ADGRG6: variants seen among roughly 807,000 people sequenced by gnomAD.
ADGRG6 encodes the protein adhesion G protein-coupled receptor G6, also known as G-protein coupled receptor 126.
ADGRG6 carries 84 observed loss-of-function variants against 142.4 expected under a neutral mutation model. The ratio of observed to expected loss-of-function variants is 0.59; its 90% CI spans 0.49 to 0.71. The LOEUF is 0.71. Ranked by LOEUF, ADGRG6 falls within the 30% of genes least tolerant of loss-of-function variation. The probability of loss-of-function intolerance (pLI) is 0.00; values close to 1 mark genes in which losing one functional copy is unlikely to be tolerated. For missense variants in ADGRG6, 1,367 were observed against 1,466.6 expected, an observed-to-expected ratio of 0.93 and a Z score of 1.11; for synonymous variants, 521 against 520.5, an observed-to-expected ratio of 1.00 and a Z score of -0.01.
chr6:142,331,145 A>AC (rs1180892088), intron 2 of ADGRG6, among the ~76,000 whole-genome samples: 5 of 151,964 alleles, frequency 3.3e-5, no homozygotes, highest in Admixed American at 6.6e-5. Flanking sequence ...TAAAAAAAAA[A>AC]AAAACTATCA....
chr6:142,309,698 A>G, intron 2 of ADGRG6, 54 bp downstream of exon 2: 1 of 1,120,868 alleles, frequency 8.9e-7, no homozygotes, highest in Non-Finnish European at 1.3e-6. Context: ...CATTGTCTGC[A>G]GTGTAAGCAT....
At chr6:142,432,761 A>T (rs943863078) in intron 22 of ADGRG6, among the ~76,000 whole-genome samples, 2 of 152,210 alleles carry the variant, frequency 1.3e-5, no homozygotes, top group Admixed American at 6.5e-5. Context: ...TTCTCAGAAT[A>T]ATTCACATTT....
At chr6:142,432,501 G>A (rs541476724) in intron 22 of ADGRG6, among the ~76,000 whole-genome samples, 8 of 152,018 alleles carry the variant, frequency 5.3e-5, no homozygotes, top group Non-Finnish European at 1.2e-4. Context: ...CGCTTATTAT[G>A]TAATTTTGTT....
intron 2 of ADGRG6, among the ~76,000 whole-genome samples, chr6:142,343,722 C>T (rs574625498): frequency 6.6e-6 from 1 of 151,746 alleles, no homozygotes; most frequent in East Asian, 1.9e-4. Flanking sequence ...AACATTAAAT[C>T]ATCCATAATT....
At chr6:142,391,989 A>G (rs1774920510) in intron 7 of ADGRG6, among the ~76,000 whole-genome samples, 1 of 151,902 alleles carries the variant, frequency 6.6e-6, no homozygotes, top group Non-Finnish European at 1.5e-5. Flanking sequence ...CTTTATTCTC[A>G]TCTGCAGCTA....
chr6:142,309,750 T>A, intron 2 of ADGRG6, 106 bp downstream of exon 2: 1 of 658,418 alleles, frequency 1.5e-6, no homozygotes, highest in East Asian at 3.1e-5. Flanking sequence ...ACTGCCTTTT[T>A]TTTTTTTCCT....
intron 4 of ADGRG6, among the ~76,000 whole-genome samples, chr6:142,374,736 T>C (rs1781416231): frequency 6.6e-6 from 1 of 152,242 alleles, no homozygotes; most frequent in African/African-American, 2.4e-5. Context: ...TCTCCTTGTC[T>C]AGTATTTATG....
chr6:142,347,783 A>C (rs1273946140), intron 2 of ADGRG6, among the ~76,000 whole-genome samples: 1 of 152,200 alleles, frequency 6.6e-6, no homozygotes, highest in African/African-American at 2.4e-5. Context: ...GTTAACATTT[A>C]ACACTTTGAA....
In ADGRG6 at chr6:142,302,103, C is replaced by T. The variant is rs1777245976; in HGVS notation, c.-227C>T. 3.7e-6 allele frequency: 2 copies of T among 537,918 alleles called. No homozygotes were observed. Among genetic ancestry groups the T allele is most frequent in the Non-Finnish European group, 6.5e-6 (2 of 306,756 alleles). The allele number at this position is 537,918 out of a possible 1,614,324, so 33.3% of individuals were successfully genotyped here. Reference sequence around the variant, plus strand: ...CTGCGAGGAGGGACCTGCCGCCAGCCTGCTTCCTCGTCCGCAGGCCCTGCG... The same window carrying T: ...CTGCGAGGAGGGACCTGCCGCCAGCTTGCTTCCTCGTCCGCAGGCCCTGCG... On this transcript the variant is annotated 5_prime_UTR_variant, in exon 1 of 25. Coordinates refer to ENST00000367609, the MANE Select transcript of ADGRG6 (RefSeq NM_198569.3).
In ADGRG6 at chr6:142,379,503, C is replaced by G. The variant is rs374034513; in HGVS notation, c.1070-2448C>G. On this transcript the variant is annotated intron_variant, in intron 4 of 24. Transcript: ENST00000367609. ...AGTTCACAGGCCGGGCACGGTGGCT[C>G]ACGCCTGTAATCCCAGCGCTTTGGG... Among the ~76,000 whole-genome samples the G allele has an allele frequency of 2.0e-5, 3 of 152,190 alleles. No individual in the cohort carries two copies. The South Asian group carries it at 6.2e-4, about 31-fold the overall frequency.
intron 23 of ADGRG6, 112 bp from the exon 24 acceptor site, chr6:142,438,100 A>G (rs1218078541): frequency 1.6e-6 from 1 of 629,792 alleles, no homozygotes; most frequent in Non-Finnish European, 2.7e-6. Context: ...AGCCATTGCC[A>G]GCATATCAGA....
At chr6:142,332,705 A>C (rs1238700183) in intron 2 of ADGRG6, among the ~76,000 whole-genome samples, 5 of 152,200 alleles carry the variant, frequency 3.3e-5, no homozygotes, top group African/African-American at 1.2e-4. Context: ...ACAATATAGT[A>C]GATTGTGTTT....
chr6:142,328,191 G>A (rs544567102), intron 2 of ADGRG6, among the ~76,000 whole-genome samples: 1 of 152,050 alleles, frequency 6.6e-6, no homozygotes, highest in Non-Finnish European at 1.5e-5. Context: ...CTCCTTACAT[G>A]CTTATCCTTT....
chr6:142,430,571 C>CT (rs1777161971), intron 22 of ADGRG6, among the ~76,000 whole-genome samples: 1 of 152,138 alleles, frequency 6.6e-6, no homozygotes, highest in Non-Finnish European at 1.5e-5. Context: ...GGAATGAGTT[C>CT]TATGTGGGAG....
intron 2 of ADGRG6, among the ~76,000 whole-genome samples, chr6:142,336,896 A>C (rs1779343036): frequency 6.6e-6 from 1 of 152,210 alleles, no homozygotes; most frequent in Non-Finnish European, 1.5e-5. Flanking sequence ...TTTTCTCTGC[A>C]TCATGCTGTA....
At chr6:142,309,794 T>C (rs774203514) in intron 2 of ADGRG6, 150 bp downstream of exon 2, 13 of 491,682 alleles carry the variant, frequency 2.6e-5, no homozygotes, top group African/African-American at 4.0e-5. Flanking sequence ...TTTTTCTGTT[T>C]ATGATTTGTC....
intron 18 of ADGRG6, among the ~76,000 whole-genome samples, chr6:142,412,299 T>C (rs1270327761): frequency 1.3e-5 from 2 of 152,146 alleles, no homozygotes; most frequent in Non-Finnish European, 2.9e-5. Context: ...ACCACATTTG[T>C]TTTTTAATAG....
chr6:142,414,807 G>T (rs545333733), intron 18 of ADGRG6, among the ~76,000 whole-genome samples, 162 bp from the exon 19 acceptor site: 1 of 152,170 alleles, frequency 6.6e-6, no homozygotes, highest in African/African-American at 2.4e-5. Flanking sequence ...TTTATTGATC[G>T]AAAATAATAT....
At chr6:142,380,755 G>A (rs1404684950) in intron 4 of ADGRG6, among the ~76,000 whole-genome samples, 1 of 152,082 alleles carries the variant, frequency 6.6e-6, no homozygotes, top group Non-Finnish European at 1.5e-5. Flanking sequence ...ATCCTCCTTT[G>A]GGCCACTGCC....
Sources: allele counts gnomAD v4.1 joint callset (sites outside exome capture counted in the v4.1 genomes callset), GRCh38; gene constraint gnomAD v4.1.1; transcripts MANE v1.5; gene names NCBI Gene and HGNC (gene_info 2026-07-23, HGNC 2026-07-21).